EVC: variants seen among roughly 807,000 people sequenced by gnomAD.
EVC encodes evC complex member EVC.
A neutral mutation model predicts 118.9 loss-of-function variants in EVC; 116 were observed. That is an observed-to-expected ratio of 0.98 (90% confidence interval 0.84 to 1.14). EVC has a LOEUF of 1.14. EVC is among the 50% of genes most tolerant of loss of function. The pLI is 0.00. For synonymous variants in EVC, 619 were observed against 534.7 expected (o/e 1.16, Z -2.18); for missense variants, 1,401 against 1,246.4 (o/e 1.12, Z -1.87).
rs573504737 is a variant in EVC, at chr4:5,745,160, T to C, written c.802-44T>C. On this transcript the variant is annotated intron_variant, in intron 6 of 20. Coordinates refer to ENST00000264956, the MANE Select transcript of EVC (RefSeq NM_153717.3). ...TTCTAGAATTTAAGACACGCTAAAC[T>C]TTTTCTTTGTTTATTTGCTTTCTTT... is the stretch of plus-strand genomic sequence containing the variant. 2.5e-6 allele frequency: 4 copies of C among 1,595,438 alleles called. No homozygotes were observed. The East Asian group carries it at 8.9e-5, about 36-fold the overall frequency.
chr4:5,794,214 C>T (rs569362563), intron 13 of EVC, among the ~76,000 whole-genome samples: 246 of 133,060 alleles, frequency 1.8e-3, no homozygotes, highest in African/African-American at 6.3e-3. Flanking sequence ...TTCCTTCTTT[C>T]ATTATGAGAA....
Position 5,711,215 on chromosome 4 carries a change from C to G in EVC, c.-166C>G, listed in dbSNP as rs1281815474. 3.2e-6 allele frequency: 1 copy of G among 315,626 alleles called. No individual in the cohort carries two copies. Among genetic ancestry groups the G allele is most frequent in the Non-Finnish European group, 4.6e-6 (1 of 216,884 alleles). The allele number at this position is 315,626 out of a possible 1,614,324, so 19.6% of individuals were successfully genotyped here. On this transcript the variant is annotated 5_prime_UTR_variant, in exon 1 of 21. Coordinates refer to ENST00000264956, the MANE Select transcript of EVC (RefSeq NM_153717.3). Reference sequence around the variant, plus strand: ...GGCTCCTCCCTCCGGCTCGGCGAAGCAGGGAAGGGGAGAGAAGCAGGAGTC... The same window carrying G: ...GGCTCCTCCCTCCGGCTCGGCGAAGGAGGGAAGGGGAGAGAAGCAGGAGTC...
At chr4:5,772,926 G>C (rs1181862914) in intron 11 of EVC, among the ~76,000 whole-genome samples, 1 of 152,112 alleles carries the variant, frequency 6.6e-6, no homozygotes. Context: ...CTTTAGGGGA[G>C]CCCTCCTCTG....
chr4:5,764,502 G>A (rs1293060553), intron 11 of EVC, among the ~76,000 whole-genome samples: 2 of 147,668 alleles, frequency 1.4e-5, no homozygotes, highest in South Asian at 2.2e-4. Flanking sequence ...TGTACCTCTG[G>A]TAGAATTCGG....
At position 5,810,377 on chromosome 4, in the gene EVC, C is replaced by T. The variant is rs896581899; in HGVS notation, c.2821C>T (p.Gln941Ter). ...GACTAAAAGGAAGAAGCCCCTGCCC[C>T]AGGAAAGAGGGGACCTGGGGGTGCC... ...LRTKRKKPLP[Q>*]ERGDLGVPNN... Residue 941 changes from glutamine to a stop codon, truncating the protein, a stop_gained, in exon 20 of 21, where the codon CAG becomes TAG. Transcript: ENST00000264956. LOFTEE classifies it high-confidence loss of function. 2.2e-5 allele frequency: 35 copies of T among 1,613,782 alleles called. No individual in the cohort carries two copies. The highest frequency in any genetic ancestry group is 2.9e-5 in the Non-Finnish European group (34 of 1,179,972).
At chr4:5,722,386 C>A (rs548618913) in intron 2 of EVC, among the ~76,000 whole-genome samples, 1 of 152,304 alleles carries the variant, frequency 6.6e-6, no homozygotes, top group South Asian at 2.1e-4. Context: ...AGTGAAAGAT[C>A]TCCTTGTTTC....
At chr4:5,795,693 T>C (rs1242606428) in intron 13 of EVC, among the ~76,000 whole-genome samples, 1 of 152,160 alleles carries the variant, frequency 6.6e-6, no homozygotes, top group Non-Finnish European at 1.5e-5. Context: ...GAAACATAAG[T>C]AGGCTCGGAC....
At chr4:5,765,747 A>G (rs1264777888) in intron 11 of EVC, among the ~76,000 whole-genome samples, 1 of 145,486 alleles carries the variant, frequency 6.9e-6, no homozygotes, top group African/African-American at 2.6e-5. Context: ...TTTGTTTTCC[A>G]TTTGCTTGGT....
At chr4:5,713,691 A>AT (rs1488640771) in intron 1 of EVC, among the ~76,000 whole-genome samples, 1 of 148,876 alleles carries the variant, frequency 6.7e-6, no homozygotes, top group Non-Finnish European at 1.5e-5. Flanking sequence ...AAAAAAAAAA[A>AT]AAAAAAATTA....
At chr4:5,711,621 G>A (rs1361196415) in intron 1 of EVC, 67 bp downstream of exon 1, 4 of 1,101,340 alleles carry the variant, frequency 3.6e-6, no homozygotes, top group Non-Finnish European at 4.5e-6. Flanking sequence ...GGTCCTGCGG[G>A]CCCGGAGCCC....
In EVC at chr4:5,748,059, G is replaced by GAA. The variant is rs1729635653; in HGVS notation, c.940-88_940-87insAA. 54 of 1,347,910 alleles carry GAA rather than the reference G, an allele frequency of 4.0e-5. 1 individual carries two copies. The South Asian group carries it at 6.2e-4, about 16-fold the overall frequency. 83.5% of individuals were successfully genotyped at this position (1,347,910 alleles called of 1,614,324 possible). Reference sequence around the variant, plus strand: ...GTTTAGAATCTTTGTTTGTGATAGGGAGTGAATTGTAATTCCCGAGCACGC... The same window carrying GAA: ...GTTTAGAATCTTTGTTTGTGATAGGGAAAGTGAATTGTAATTCCCGAGCACGC... On this transcript the variant is annotated intron_variant, in intron 7 of 20. Transcript: ENST00000264956.
chr4:5,775,733 A>G (rs893080747), intron 11 of EVC, among the ~76,000 whole-genome samples: 2 of 152,190 alleles, frequency 1.3e-5, no homozygotes, highest in African/African-American at 4.8e-5. Flanking sequence ...ACACTGGCTG[A>G]CGTGAACTTT....
At position 5,798,359 on chromosome 4, in the gene EVC, C is replaced by T. The variant is rs1319378824; in HGVS notation, c.2098-227C>T. 1.3e-5 allele frequency among the ~76,000 whole-genome samples: 2 copies of T among 152,226 alleles called. No homozygotes were observed. The highest frequency in any genetic ancestry group is 2.1e-4 in the South Asian group (1 of 4,834). The stretch of plus-strand genomic sequence containing the variant: ...GGGGCCATAGATGGTACTGGGCACG[C>T]AGTTGATGCTCAATAAATGCCCTTT... On this transcript the variant is annotated intron_variant, in intron 14 of 20. Coordinates refer to ENST00000264956, the MANE Select transcript of EVC (RefSeq NM_153717.3). The surrounding 1 kb of genome is among the most constrained non-coding windows in gnomAD (Gnocchi z 4.1).
At chr4:5,784,003 A>C (rs1336612155) in intron 12 of EVC, among the ~76,000 whole-genome samples, 1 of 152,194 alleles carries the variant, frequency 6.6e-6, no homozygotes, top group Non-Finnish European at 1.5e-5. Context: ...GAAGAGCAGC[A>C]AAGCTTGTTC....
intron 16 of EVC, 115 bp from the exon 17 acceptor site, chr4:5,804,615 A>G (rs1715562269): frequency 1.2e-6 from 1 of 815,634 alleles, no homozygotes; most frequent in Non-Finnish European, 2.1e-6. Flanking sequence ...GTGGAAGGAT[A>G]CACTCTTGGA....
At chr4:5,806,510 A>G (rs933404446) in intron 17 of EVC, among the ~76,000 whole-genome samples, 2 of 152,204 alleles carry the variant, frequency 1.3e-5, no homozygotes, top group Non-Finnish European at 2.9e-5. Context: ...ACGTTGCTGT[A>G]AAAGACATGA....
intron 12 of EVC, among the ~76,000 whole-genome samples, chr4:5,790,442 G>C (rs1384354747): frequency 6.6e-6 from 1 of 152,152 alleles, no homozygotes; most frequent in Non-Finnish European, 1.5e-5. Flanking sequence ...AATGCAGCGT[G>C]CGCCATCTCC....
chr4:5,822,502 G>C, the EVC span, among the ~76,000 whole-genome samples: 11 of 149,618 alleles, frequency 7.4e-5, no homozygotes, highest in African/African-American at 2.5e-4. Context: ...AAGGGGGGGG[G>C]GGTGGTGTGC....
intron 11 of EVC, among the ~76,000 whole-genome samples, chr4:5,766,162 A>G (rs955548093): frequency 6.7e-6 from 1 of 149,516 alleles, no homozygotes; most frequent in African/African-American, 2.5e-5. Flanking sequence ...ATCACTTATG[A>G]AGCATAGTTT....
Sources: allele counts gnomAD v4.1 joint callset (sites outside exome capture counted in the v4.1 genomes callset), GRCh38; gene constraint gnomAD v4.1.1; non-coding constraint Gnocchi (gnomAD v3.1); transcripts MANE v1.5; gene names NCBI Gene and HGNC (gene_info 2026-07-23, HGNC 2026-07-21).